RIMS2: variants seen among roughly 807,000 people sequenced by gnomAD.
The protein encoded by RIMS2 is regulating synaptic membrane exocytosis protein 2.
A neutral mutation model predicts 174.4 loss-of-function variants in RIMS2; 59 were observed. That is an observed-to-expected ratio of 0.34 (90% CI 0.27 to 0.42). The LOEUF is 0.42. RIMS2 is among the 10% of genes least tolerant of loss of function. The probability of loss-of-function intolerance (pLI) is 1.00; values close to 1 mark genes in which losing one functional copy is unlikely to be tolerated. For missense variants in RIMS2, 1,620 were observed against 1,666.3 expected (o/e 0.97, Z 0.48); for synonymous variants, 606 against 572.5 (o/e 1.06, Z -0.84).
At chr8:103,677,086 T>C (rs975881555) in intron 1 of RIMS2, among the ~76,000 whole-genome samples, 2 of 152,182 alleles carry the variant, frequency 1.3e-5, no homozygotes, top group Non-Finnish European at 2.9e-5. Flanking sequence ...TCTCCAAGTG[T>C]TTGATGCTTT....
intron 1 of RIMS2, among the ~76,000 whole-genome samples, chr8:103,676,234 G>T (rs1035457632): frequency 1.7e-5 from 1 of 58,320 alleles, no homozygotes; most frequent in Non-Finnish European, 3.1e-5. Context: ...TTTGCAAAAG[G>T]GTTTTTATAT....
At position 103,970,055 on chromosome 8, in the gene RIMS2, T is replaced by C. The variant is rs147325875; in HGVS notation, c.2771-5295T>C. ...GTGAGCCACTATCCCCAGCCTGTAG[T>C]TGTTTTTTCTTGATAATTTTTTTAT... On this transcript the variant is annotated intron_variant, in intron 15 of 23. Transcript: ENST00000504942. 1.2e-4 allele frequency among the ~76,000 whole-genome samples: 19 copies of C among 152,298 alleles called. No individual in the cohort carries two copies. In the South Asian group the frequency reaches 3.7e-3, roughly 30 times the overall value.
chr8:103,560,496 C>T (rs1000367718), intron 1 of RIMS2, among the ~76,000 whole-genome samples: 2 of 152,150 alleles, frequency 1.3e-5, no homozygotes, highest in Non-Finnish European at 1.5e-5. Flanking sequence ...CAGAAGGGAG[C>T]GCACTCTGAA....
At chr8:103,573,105 G>A (rs2092955351) in intron 1 of RIMS2, among the ~76,000 whole-genome samples, 1 of 152,024 alleles carries the variant, frequency 6.6e-6, no homozygotes, top group South Asian at 2.1e-4. Flanking sequence ...TGTTGTCCAG[G>A]CTGGATGTGG....
intron 3 of RIMS2, among the ~76,000 whole-genome samples, chr8:103,795,182 A>G (rs2154446686): frequency 6.6e-6 from 1 of 152,298 alleles, no homozygotes; most frequent in Middle Eastern, 3.4e-3. Flanking sequence ...CCTGGAACCA[A>G]CCCAAATGTC....
chr8:103,555,488 A>T (rs1275734652), intron 1 of RIMS2, among the ~76,000 whole-genome samples: 1 of 152,198 alleles, frequency 6.6e-6, no homozygotes, highest in African/African-American at 2.4e-5. Flanking sequence ...GAGAACTAAC[A>T]TATGATATAG....
chr8:103,750,322 A>C (rs982287415), intron 2 of RIMS2, among the ~76,000 whole-genome samples: 2 of 152,296 alleles, frequency 1.3e-5, no homozygotes, highest in South Asian at 4.1e-4. Flanking sequence ...TACTGATTCA[A>C]AGATTAAACA....
chr8:104,027,591 T>G (rs926090171), intron 19 of RIMS2, among the ~76,000 whole-genome samples: 1 of 152,130 alleles, frequency 6.6e-6, no homozygotes, highest in African/African-American at 2.4e-5. Context: ...AGAGAAAGAG[T>G]GTAGTTCTTG....
At chr8:103,762,373 A>G (rs2098121731) in intron 2 of RIMS2, among the ~76,000 whole-genome samples, 2 of 152,252 alleles carry the variant, frequency 1.3e-5, no homozygotes, top group South Asian at 2.1e-4. Flanking sequence ...ATTTATAGGC[A>G]TATATATTTC....
intron 1 of RIMS2, among the ~76,000 whole-genome samples, chr8:103,632,886 A>C (rs540482206): frequency 6.6e-6 from 1 of 151,034 alleles, no homozygotes; most frequent in Admixed American, 6.6e-5. Context: ...GGCACCCGCC[A>C]CCATGCCGGG....
intron 2 of RIMS2, among the ~76,000 whole-genome samples, chr8:103,738,073 C>T (rs1392046781): frequency 1.3e-5 from 2 of 152,088 alleles, no homozygotes; most frequent in East Asian, 3.8e-4. Flanking sequence ...GGGCTTGGTA[C>T]ACAGTAATAT....
intron 3 of RIMS2, among the ~76,000 whole-genome samples, chr8:103,788,978 C>A (rs1249513722): frequency 4.6e-5 from 7 of 152,214 alleles, no homozygotes; most frequent in Non-Finnish European, 8.8e-5. Context: ...TCGTGGTGCG[C>A]CGTTTTTTAA....
intron 1 of RIMS2, among the ~76,000 whole-genome samples, chr8:103,521,931 C>T (rs1446916559): frequency 6.6e-6 from 1 of 150,972 alleles, no homozygotes; most frequent in African/African-American, 2.4e-5. Flanking sequence ...TACCTTGCTT[C>T]TCTCATTTCT....
intron 19 of RIMS2, among the ~76,000 whole-genome samples, chr8:104,061,012 G>C (rs1391391766): frequency 6.6e-6 from 1 of 152,112 alleles, no homozygotes; most frequent in Non-Finnish European, 1.5e-5. Context: ...TTTTGGAATA[G>C]GTGCAGTGTG....
At chr8:103,548,910 C>G (rs1371212813) in intron 1 of RIMS2, among the ~76,000 whole-genome samples, 1 of 151,946 alleles carries the variant, frequency 6.6e-6, no homozygotes, top group Non-Finnish European at 1.5e-5. Context: ...GAATGCAGTC[C>G]CATTCAGAGT....
intron 3 of RIMS2, among the ~76,000 whole-genome samples, chr8:103,882,421 A>T (rs989963004): frequency 6.6e-6 from 1 of 151,530 alleles, no homozygotes; most frequent in African/African-American, 2.4e-5. Flanking sequence ...CAGGTTCTTC[A>T]TTGTTTGATA....
At chr8:103,581,599 A>C (rs1216678758) in intron 1 of RIMS2, among the ~76,000 whole-genome samples, 1 of 152,228 alleles carries the variant, frequency 6.6e-6, no homozygotes, top group Non-Finnish European at 1.5e-5. Context: ...ACTTTTAATC[A>C]ATATAAAAGT....
chr8:103,694,280 T>TG (rs1209997267), intron 1 of RIMS2, among the ~76,000 whole-genome samples: 2 of 152,166 alleles, frequency 1.3e-5, no homozygotes, highest in Non-Finnish European at 1.5e-5. Flanking sequence ...TACGGGCCTC[T>TG]GTTTTACTGA....
At chr8:104,147,657 T>C (rs2098652934) in intron 19 of RIMS2, among the ~76,000 whole-genome samples, 1 of 152,204 alleles carries the variant, frequency 6.6e-6, no homozygotes, top group Non-Finnish European at 1.5e-5. Flanking sequence ...AACTTTCTAA[T>C]ACTGAGTCAA....
Sources: allele counts gnomAD v4.1 joint callset (sites outside exome capture counted in the v4.1 genomes callset), GRCh38; gene constraint gnomAD v4.1.1; transcripts MANE v1.5; gene names NCBI Gene and HGNC (gene_info 2026-07-23, HGNC 2026-07-21).